The following ABCG1 variants were observed in gnomAD, a reference collection of about 807,000 sequenced individuals.
ABCG1 encodes the protein ATP binding cassette subfamily G member 1, also known as ATP-binding cassette sub-family G member 1.
ABCG1 carries 29 observed loss-of-function variants against 69.2 expected under a neutral mutation model. The observed-to-expected ratio is 0.42, with a 90% CI of 0.31 to 0.57. The LOEUF is 0.57. Ranked by LOEUF, ABCG1 falls within the 20% of genes least tolerant of loss-of-function variation. The pLI, the probability that ABCG1 is intolerant of heterozygous loss-of-function variation, is 0.15. For synonymous variants in ABCG1, 370 were observed against 374.8 expected (o/e 0.99, Z 0.15); for missense variants, 718 against 898.1 (o/e 0.80, Z 2.56).
Position 42,273,845 on chromosome 21 carries a change from G to A in ABCG1, c.537+410G>A, listed in dbSNP as rs1192947982. 6.6e-6 allele frequency among the ~76,000 whole-genome samples: 1 copy of A among 152,114 alleles called. No individual in the cohort carries two copies. Among genetic ancestry groups the A allele is most frequent in the African/African-American group, 2.4e-5 (1 of 41,408 alleles). On this transcript the variant is annotated intron_variant, in intron 4 of 14. Coordinates refer to ENST00000398449, the MANE Select transcript of ABCG1 (RefSeq NM_016818.3). This position sits in a 1 kb window ranked among gnomAD's most constrained non-coding sequence, Gnocchi z 5.3. Reference sequence around the variant, plus strand: ...CAAGCACCCACTCGCCTGGTGCCTTGGTCAGGATACCAAGGGTCTATTCCT... The same window carrying A: ...CAAGCACCCACTCGCCTGGTGCCTTAGTCAGGATACCAAGGGTCTATTCCT...
chr21:42,245,998 G>C (rs1007781741), intron 2 of ABCG1, among the ~76,000 whole-genome samples: 1 of 152,134 alleles, frequency 6.6e-6, no homozygotes, highest in African/African-American at 2.4e-5. Context: ...GCAGCCCCAG[G>C]AGCATCCTAG....
At position 42,273,447 on chromosome 21, in the gene ABCG1, C is replaced by T; in HGVS notation, c.537+12C>T. The stretch of plus-strand genomic sequence containing the variant: ...AGGAGGCCATGATGGTGAGCTCCGC[C>T]CTGCCCCGCCCCACTCCGCCCCTGC... On this transcript the variant is annotated intron_variant, in intron 4 of 14. Coordinates refer to ENST00000398449, the MANE Select transcript of ABCG1 (RefSeq NM_016818.3). This position sits in a 1 kb window ranked among gnomAD's most constrained non-coding sequence, Gnocchi z 5.3. The T allele has an allele frequency of 6.2e-7, 1 of 1,610,934 alleles. No individual in the cohort carries two copies. The highest frequency in any genetic ancestry group is 8.5e-7 in the Non-Finnish European group (1 of 1,178,236).
At chr21:42,203,854 T>C (rs2067524096) in intron 2 of ABCG1, among the ~76,000 whole-genome samples, 1 of 152,266 alleles carries the variant, frequency 6.6e-6, no homozygotes, top group Non-Finnish European at 1.5e-5. Flanking sequence ...ATATTTTTAC[T>C]ACGTTAAGTC....
chr21:42,223,881 T>A (rs555911475), intron 1 of ABCG1, among the ~76,000 whole-genome samples: 20 of 152,336 alleles, frequency 1.3e-4, no homozygotes, highest in African/African-American at 4.6e-4. Context: ...CATCTGTCCC[T>A]GGGCTTCAGC....
At chr21:42,281,212 A>AGAGGAGCCGCTGGAG (rs2068802008) in intron 5 of ABCG1, among the ~76,000 whole-genome samples, 1 of 152,162 alleles carries the variant, frequency 6.6e-6, no homozygotes, top group African/African-American at 2.4e-5. Flanking sequence ...TCATCTCCCT[A>AGAGGAGCCGCTGGAG]GAGGAGCCGC....
chr21:42,294,852 A>C, intron 14 of ABCG1, 192 bp downstream of exon 14: 2 of 568,690 alleles, frequency 3.5e-6, no homozygotes, highest in Non-Finnish European at 3.2e-6. Flanking sequence ...ACACACACTA[A>C]ACAAGGAGGC....
At chr21:42,239,518 G>A (rs139270451) in intron 2 of ABCG1, among the ~76,000 whole-genome samples, 2 of 152,190 alleles carry the variant, frequency 1.3e-5, no homozygotes, top group South Asian at 4.1e-4. Context: ...TTTCCTAGGC[G>A]CCGGGCAGTG....
rs2068999454 is a variant in ABCG1 at position 42,288,793 on chromosome 21, AAG to A, written c.1224+483_1224+484del. On this transcript the variant is annotated intron_variant, in intron 10 of 14. Coordinates refer to ENST00000398449, the MANE Select transcript of ABCG1 (RefSeq NM_016818.3). This position sits in a 1 kb window ranked among gnomAD's most constrained non-coding sequence, Gnocchi z 4.8. ...AGGAAAGGAAAGGAAAAAAGAAAGA[AAG>A]AAAGAAATGCCTGAGCCTGGGGAAT... Among the ~76,000 whole-genome samples the A allele has an allele frequency of 6.6e-6, 1 of 152,122 alleles. No homozygotes were observed. The highest frequency in any genetic ancestry group is 1.5e-5 in the Non-Finnish European group (1 of 68,010).
In ABCG1 at chr21:42,288,565, G is replaced by GGCCT. The variant is rs2068993461; in HGVS notation, c.1224+255_1224+258dup. On this transcript the variant is annotated intron_variant, in intron 10 of 14. Transcript: ENST00000398449. The surrounding 1 kb of genome is among the most constrained non-coding windows in gnomAD (Gnocchi z 4.8). ...CTGCTAAAAATACAAAAATTAGCCA[G>GGCCT]GCCTGGTAGTGCATGCCTGTAATCC... Among the ~76,000 whole-genome samples, 1 of 152,160 alleles carries GGCCT rather than the reference G, an allele frequency of 6.6e-6. No homozygotes were observed. Among genetic ancestry groups the GGCCT allele is most frequent in the Non-Finnish European group, 1.5e-5 (1 of 68,040 alleles).
intron 2 of ABCG1, among the ~76,000 whole-genome samples, chr21:42,237,470 G>T (rs192887525): frequency 3.4e-4 from 52 of 152,286 alleles, no homozygotes; most frequent in African/African-American, 1.2e-3. Context: ...GTCTTTCTTG[G>T]TTACTCTTCG....
intron 2 of ABCG1, chr21:42,256,497 C>T (rs2068307918): frequency 6.5e-7 from 1 of 1,550,038 alleles, no homozygotes; most frequent in Non-Finnish European, 8.7e-7. Flanking sequence ...ATGGCTGTGG[C>T]TCCAGGTCAC....
In ABCG1 at chr21:42,283,776, AC is replaced by A. The variant is rs1233249590; in HGVS notation, c.735-778del. 1.2e-3 allele frequency among the ~76,000 whole-genome samples: 23 copies of A among 18,872 alleles called. 4 individuals carry two copies. Among genetic ancestry groups the A allele is most frequent in the African/African-American group, 5.8e-3 (23 of 3,978 alleles). 12.4% of individuals were successfully genotyped at this position (18,872 alleles called of 152,430 possible). A position where few individuals can be genotyped will look rare whatever the true frequency, so the allele number is the denominator to read the frequency against. ...TGTCCTGCCTGGACAGTTGTGAAGTACCCCCCAACCCAGATGAGTGGGGACC... is the reference window on the plus strand; with the variant it reads ...TGTCCTGCCTGGACAGTTGTGAAGTACCCCCAACCCAGATGAGTGGGGACC... On this transcript the variant is annotated intron_variant, in intron 6 of 14. Transcript: ENST00000398449.
At chr21:42,221,470 G>A (rs1164372522) in intron 1 of ABCG1, among the ~76,000 whole-genome samples, 2 of 152,126 alleles carry the variant, frequency 1.3e-5, no homozygotes, top group African/African-American at 2.4e-5. Flanking sequence ...GGCACTCGGG[G>A]GAACATGCTG....
At chr21:42,259,771 G>GCCT (rs2068373718) in intron 2 of ABCG1, among the ~76,000 whole-genome samples, 1 of 152,220 alleles carries the variant, frequency 6.6e-6, no homozygotes, top group Non-Finnish European at 1.5e-5. Flanking sequence ...CACAGGTCAT[G>GCCT]GTTTAGGAAG....
At chr21:42,244,698 G>A (rs1428756963) in intron 2 of ABCG1, among the ~76,000 whole-genome samples, 1 of 152,204 alleles carries the variant, frequency 6.6e-6, no homozygotes, top group African/African-American at 2.4e-5. Flanking sequence ...GAATGAGCTG[G>A]GAGGTGTGAA....
intron 2 of ABCG1, among the ~76,000 whole-genome samples, chr21:42,210,337 G>T (rs182802335): frequency 6.6e-6 from 1 of 152,210 alleles, no homozygotes; most frequent in Admixed American, 6.5e-5. Context: ...AGGAAACGTG[G>T]GGTACACAGT....
chr21:42,291,078 T>C lies in ABCG1; in HGVS notation c.1394-14T>C, dbSNP rs1384217282. On this transcript the variant is annotated splice_polypyrimidine_tract_variant and intron_variant, in intron 11 of 14. Coordinates refer to ENST00000398449, the MANE Select transcript of ABCG1 (RefSeq NM_016818.3). The surrounding 1 kb of genome is among the most constrained non-coding windows in gnomAD (Gnocchi z 6.4). ...TGGTCACTGACCCTTCTTTTTTGCT[T>C]TTCTATCTCCTAGTTCCCCTGGAGA... 2 of 1,606,738 alleles carry C rather than the reference T, an allele frequency of 1.2e-6. No individual in the cohort carries two copies.
rs1027724898 is a variant in ABCG1 at position 42,287,308 on chromosome 21, G to A, written c.974-581G>A. Among the ~76,000 whole-genome samples, 6 of 152,166 alleles carry A rather than the reference G, an allele frequency of 3.9e-5. No individual in the cohort carries two copies. The highest frequency in any genetic ancestry group is 1.9e-4 in the East Asian group (1 of 5,196). On this transcript the variant is annotated intron_variant, in intron 8 of 14. Coordinates refer to ENST00000398449, the MANE Select transcript of ABCG1 (RefSeq NM_016818.3). This position sits in a 1 kb window ranked among gnomAD's most constrained non-coding sequence, Gnocchi z 6.2. The stretch of plus-strand genomic sequence containing the variant: ...TCTGCAGGTGGAGTGGGGAGGTGAC[G>A]ATTGGGATGCGAGAGGCAGGAGCAG...
Position 42,219,309 on chromosome 21 carries a change from G to A in ABCG1, c.42+5G>A. ...TTCTCGGTCGGCACCGCCATGGTGA[G>A]TGAGCGCATCCTTCGTCCGCCGGGA... On this transcript the variant is annotated splice_donor_5th_base_variant and intron_variant, in intron 1 of 14. Coordinates refer to ENST00000398449, the MANE Select transcript of ABCG1 (RefSeq NM_016818.3). This position sits in a 1 kb window ranked among gnomAD's most constrained non-coding sequence, Gnocchi z 5.3. 1.3e-6 allele frequency: 2 copies of A among 1,598,026 alleles called. No individual in the cohort carries two copies. The highest frequency in any genetic ancestry group is 1.7e-6 in the Non-Finnish European group (2 of 1,175,394).
Sources: gnomAD v4.1 joint callset for allele counts (sites outside exome capture counted in the v4.1 genomes callset) on GRCh38, gnomAD v4.1.1 for gene constraint, Gnocchi (gnomAD v3.1) non-coding constraint, MANE v1.5 for transcripts, NCBI Gene and HGNC (gene_info 2026-07-23, HGNC 2026-07-21) for gene names.